The following AGO3 variants were observed in gnomAD, a reference collection of about 807,000 sequenced individuals.
The protein encoded by AGO3 is protein argonaute-3.
A neutral mutation model predicts 105.5 loss-of-function variants in AGO3; 16 were observed. The ratio of observed to expected loss-of-function variants is 0.15; its 90% confidence interval spans 0.10 to 0.23. AGO3 has a LOEUF of 0.23. Among genes scored for constraint, AGO3 ranks in the 10% least tolerant of loss-of-function variants. The probability of loss-of-function intolerance (pLI) is 1.00; values close to 1 mark genes in which losing one functional copy is unlikely to be tolerated. For synonymous variants in AGO3, 340 were observed against 367.3 expected (o/e 0.93, Z 0.85); for missense variants, 534 against 1,088.0 (o/e 0.49, Z 7.16).
rs1640445140 is a variant in AGO3, at chr1:36,008,712, T to C, written c.816T>C (p.His272=). ...CAGGTTTGAAGGTTGAAGTGACTCA[T>C]TGTGGAACAATGAGACGGAAATACC... ...EIKGLKVEVT[H]CGTMRRKYRV... Residue 272 remains histidine, a synonymous_variant, in exon 7 of 19, where the codon CAT becomes CAC. Transcript: ENST00000373191. The surrounding 1 kb of genome is among the most constrained non-coding windows in gnomAD (Gnocchi z 5.1). 3 of 1,614,022 alleles carry C rather than the reference T, an allele frequency of 1.9e-6. No homozygotes were observed. Among genetic ancestry groups the C allele is most frequent in the South Asian group, 1.1e-5 (1 of 91,082 alleles).
At chr1:36,030,014 G>A (rs201873599) in intron 12 of AGO3, among the ~76,000 whole-genome samples, 93 of 116,216 alleles carry the variant, frequency 8.0e-4, no homozygotes, top group African/African-American at 4.2e-3. Context: ...TACATGTCAC[G>A]GATGTACTAA....
At chr1:35,931,756 T>C (rs1456509966) in intron 1 of AGO3, among the ~76,000 whole-genome samples, 1 of 152,246 alleles carries the variant, frequency 6.6e-6, no homozygotes, top group Non-Finnish European at 1.5e-5. Flanking sequence ...ATTGTCTAGT[T>C]GGAGTGCGTG....
rs1021642270 is a variant in AGO3, at chr1:36,055,825, A to G, written c.*80A>G. The G allele has an allele frequency of 7.1e-7, 1 of 1,405,310 alleles. No homozygotes were observed. The highest frequency in any genetic ancestry group is 1.4e-5 in the African/African-American group (1 of 70,720). 87.1% of individuals were successfully genotyped at this position (1,405,310 alleles called of 1,614,324 possible). A position where few individuals can be genotyped will look rare whatever the true frequency, so the allele number is the denominator to read the frequency against. ...CGTATGTTTCCAGTGAAGTCAATTG[A>G]GTAAGGACACCTCCAGCCATACAGA... On this transcript the variant is annotated 3_prime_UTR_variant, in exon 19 of 19. Transcript: ENST00000373191. The surrounding 1 kb of genome is among the most constrained non-coding windows in gnomAD (Gnocchi z 4.4).
intron 11 of AGO3, among the ~76,000 whole-genome samples, chr1:36,017,035 G>C (rs1049657105): frequency 6.6e-6 from 1 of 152,114 alleles, no homozygotes; most frequent in Non-Finnish European, 1.5e-5. Flanking sequence ...CCAAGATTTT[G>C]GGTTTCTGGT....
chr1:35,984,492 C>CTT (rs1397262921), intron 5 of AGO3: 1 of 152,438 alleles, frequency 6.6e-6, no homozygotes, highest in Non-Finnish European at 1.5e-5. Context: ...ATGTTACTTC[C>CTT]TTGAGAAGCA....
chr1:36,058,325 G>C lies in AGO3; in HGVS notation c.*2580G>C, dbSNP rs1158622427. ...GAAATTGTTTTACAAAACTTTTATT[G>C]ATTACACTTTAAGGTATTAAAAAGT... is the stretch of plus-strand genomic sequence containing the variant. On this transcript the variant is annotated 3_prime_UTR_variant, in exon 19 of 19. Transcript: ENST00000373191. The C allele has an allele frequency of 1.3e-5, 2 of 152,082 alleles. No individual in the cohort carries two copies. The highest frequency in any genetic ancestry group is 1.3e-4 in the Admixed American group (2 of 15,266). The allele number at this position is 152,082 out of a possible 1,614,324, so 9.4% of individuals were successfully genotyped here.
At chr1:35,949,471 C>T (rs1646430117) in intron 2 of AGO3, among the ~76,000 whole-genome samples, 1 of 152,088 alleles carries the variant, frequency 6.6e-6, no homozygotes. Flanking sequence ...AGTTCCTGTG[C>T]TTCAACAACT....
At chr1:35,963,262 T>C (rs1646711364) in intron 2 of AGO3, among the ~76,000 whole-genome samples, 1 of 152,298 alleles carries the variant, frequency 6.6e-6, no homozygotes, top group East Asian at 1.9e-4. Context: ...GGGGAGTGGA[T>C]AGACAACATG....
chr1:35,953,161 G>A (rs1646503800), intron 2 of AGO3, among the ~76,000 whole-genome samples: 1 of 152,060 alleles, frequency 6.6e-6, no homozygotes, highest in Non-Finnish European at 1.5e-5. Context: ...AGACATGGTG[G>A]CTCATGCCTG....
intron 17 of AGO3, among the ~76,000 whole-genome samples, chr1:36,050,512 C>G (rs1220051076): frequency 2.0e-5 from 3 of 149,010 alleles, no homozygotes; most frequent in African/African-American, 7.4e-5. Flanking sequence ...TAAATAATTG[C>G]CGGGTGTGGT....
intron 4 of AGO3, 24 bp downstream of exon 4, chr1:35,972,256 C>T: frequency 6.2e-7 from 1 of 1,609,518 alleles, no homozygotes. Context: ...CTTTTTTTCT[C>T]TTTAGATTTT....
chr1:35,975,207 C>A (rs185928524), intron 5 of AGO3, among the ~76,000 whole-genome samples: 1 of 152,220 alleles, frequency 6.6e-6, no homozygotes, highest in Non-Finnish European at 1.5e-5. Context: ...AAATATTTTG[C>A]ATCAATGAAT....
rs1642875447 is a variant in AGO3, at chr1:36,055,208, C to G, written c.2474+63C>G. On this transcript the variant is annotated intron_variant, in intron 18 of 18. Coordinates refer to ENST00000373191, the MANE Select transcript of AGO3 (RefSeq NM_024852.4). The surrounding 1 kb of genome is among the most constrained non-coding windows in gnomAD (Gnocchi z 4.4). ...AATATTGTCTGCATGGTAGGATTTT[C>G]AAGTTCCACAAGCTATTAGCGGAGT... is the stretch of plus-strand genomic sequence containing the variant. 1 of 1,499,858 alleles carries G rather than the reference C, an allele frequency of 6.7e-7. No homozygotes were observed. The highest frequency in any genetic ancestry group is 9.1e-7 in the Non-Finnish European group (1 of 1,104,132). The allele number at this position is 1,499,858 out of a possible 1,614,324, so 92.9% of individuals were successfully genotyped here. A position where few individuals can be genotyped will look rare whatever the true frequency, so the allele number is the denominator to read the frequency against.
intron 14 of AGO3, among the ~76,000 whole-genome samples, 157 bp from the exon 15 acceptor site, chr1:36,039,633 C>T (rs781005393): frequency 4.0e-5 from 6 of 151,830 alleles, no homozygotes; most frequent in Non-Finnish European, 5.9e-5. Context: ...AGGCACATGC[C>T]GTCATACCCA....
rs1642279406 is a variant in AGO3 at position 36,042,240 on chromosome 1, A to G, written c.2173-1207A>G. 2.0e-5 allele frequency among the ~76,000 whole-genome samples: 3 copies of G among 152,030 alleles called. No homozygotes were observed. In the South Asian group the frequency reaches 6.2e-4, roughly 31 times the overall value. ...GCTGGGATTACAGGCATGTGCCACC[A>G]CACCCGGCTAATTTTTGTAGTCTTA... is the stretch of plus-strand genomic sequence containing the variant. On this transcript the variant is annotated intron_variant, in intron 16 of 18. Coordinates refer to ENST00000373191, the MANE Select transcript of AGO3 (RefSeq NM_024852.4).
intron 17 of AGO3, among the ~76,000 whole-genome samples, chr1:36,046,842 A>G (rs1381104825): frequency 2.0e-5 from 3 of 152,080 alleles, no homozygotes; most frequent in Admixed American, 2.0e-4. Flanking sequence ...CTGAACTGGC[A>G]CTGGGGAATT....
In AGO3 at chr1:36,008,577, C is replaced by G; in HGVS notation, c.794-113C>G. 1.1e-6 allele frequency: 1 copy of G among 909,774 alleles called. No homozygotes were observed. The highest frequency in any genetic ancestry group is 1.7e-6 in the Non-Finnish European group (1 of 599,162). The allele number at this position is 909,774 out of a possible 1,614,324, so 56.4% of individuals were successfully genotyped here. A position where few individuals can be genotyped will look rare whatever the true frequency, so the allele number is the denominator to read the frequency against. On this transcript the variant is annotated intron_variant, in intron 6 of 18. Coordinates refer to ENST00000373191, the MANE Select transcript of AGO3 (RefSeq NM_024852.4). The surrounding 1 kb of genome is among the most constrained non-coding windows in gnomAD (Gnocchi z 5.1). ...TGTTTATATCATCTTGCCTGTATCACAGAATTTTTTGTCTGTTCAGAATTG... is the reference window on the plus strand; with the variant it reads ...TGTTTATATCATCTTGCCTGTATCAGAGAATTTTTTGTCTGTTCAGAATTG...
chr1:36,044,375 A>T (rs1471472346), intron 17 of AGO3, among the ~76,000 whole-genome samples: 1 of 151,866 alleles, frequency 6.6e-6, no homozygotes, highest in Admixed American at 6.6e-5. Context: ...TTAATTGTAG[A>T]ATTACAGCTT....
In AGO3 at chr1:35,986,695, A is replaced by G. The variant is rs553123404; in HGVS notation, c.658+13184A>G. The stretch of plus-strand genomic sequence containing the variant: ...AGACTGAGACTCTGCCTCAGAAAAG[A>G]AAAAAGAAAAAAAAAATGGGCTGGG... On this transcript the variant is annotated intron_variant, in intron 5 of 18. Transcript: ENST00000373191. Among the ~76,000 whole-genome samples, 5 of 151,828 alleles carry G rather than the reference A, an allele frequency of 3.3e-5. No homozygotes were observed. The South Asian group carries it at 1.0e-3, about 32-fold the overall frequency.
Sources: gnomAD v4.1 joint callset for allele counts (sites outside exome capture counted in the v4.1 genomes callset) on GRCh38, gnomAD v4.1.1 for gene constraint, Gnocchi (gnomAD v3.1) non-coding constraint, MANE v1.5 for transcripts, NCBI Gene and HGNC (gene_info 2026-07-23, HGNC 2026-07-21) for gene names.